The following POU6F2 variants were observed in gnomAD, a reference collection of about 807,000 sequenced individuals.
POU6F2 encodes POU domain, class 6, transcription factor 2.
POU6F2 carries 31 observed loss-of-function variants against 71.3 expected under a neutral mutation model. That is an observed-to-expected ratio of 0.43 (90% CI 0.33 to 0.59). The LOEUF (loss-of-function observed/expected upper bound fraction) is 0.59, where lower values mean the gene tolerates loss of function less well. Among genes scored for constraint, POU6F2 ranks in the 20% least tolerant of loss-of-function variants. The pLI is 0.04. For synonymous variants in POU6F2, 347 were observed against 355.7 expected, an observed-to-expected ratio of 0.98 and a Z score of 0.27; for missense variants, 783 against 856.8, an observed-to-expected ratio of 0.91 and a Z score of 1.07.
Position 39,284,905 on chromosome 7 carries a change from G to T in POU6F2, c.599-54737G>T, listed in dbSNP as rs886275084. Among the ~76,000 whole-genome samples, 9 of 152,230 alleles carry T rather than the reference G, an allele frequency of 5.9e-5. No homozygotes were observed. In the East Asian group the frequency reaches 1.7e-3, roughly 29 times the overall value. On this transcript the variant is annotated intron_variant, in intron 4 of 9. Transcript: ENST00000518318. ...CTAACAATAAAGATGGTCTGGGTGG[G>T]TCTAGGCATCATTGCTTCTCACAGG...
At chr7:39,437,037 G>C (rs1050746110) in intron 7 of POU6F2, among the ~76,000 whole-genome samples, 1 of 152,152 alleles carries the variant, frequency 6.6e-6, no homozygotes. Context: ...ATTTTATTGA[G>C]GATTTTTGCA....
intron 5 of POU6F2, among the ~76,000 whole-genome samples, chr7:39,348,964 C>T (rs1786082988): frequency 6.6e-6 from 1 of 152,216 alleles, no homozygotes; most frequent in Non-Finnish European, 1.5e-5. Flanking sequence ...TTTTATTTCA[C>T]ATAATGCTAA....
intron 5 of POU6F2, among the ~76,000 whole-genome samples, chr7:39,401,489 C>G (rs942316403): frequency 1.1e-4 from 16 of 152,208 alleles, no homozygotes; most frequent in African/African-American, 3.9e-4. Context: ...AATATGGTCA[C>G]TCTTCCAGTA....
intron 6 of POU6F2, among the ~76,000 whole-genome samples, chr7:39,418,907 G>GTATATATATATA (rs1411632234): frequency 2.0e-5 from 3 of 146,870 alleles, no homozygotes; most frequent in Admixed American, 6.8e-5. Flanking sequence ...GTGTGTGTGT[G>GTATATATATATA]TGTATATATA....
intron 4 of POU6F2, among the ~76,000 whole-genome samples, chr7:39,315,694 G>A (rs1409864904): frequency 6.6e-6 from 1 of 152,072 alleles, no homozygotes; most frequent in Non-Finnish European, 1.5e-5. Context: ...TCTCCCTTAA[G>A]TCCTGGTTGG....
At chr7:39,224,255 G>A (rs190752680) in intron 4 of POU6F2, among the ~76,000 whole-genome samples, 4 of 151,960 alleles carry the variant, frequency 2.6e-5, no homozygotes, top group African/African-American at 9.7e-5. Flanking sequence ...TAATTTTTTG[G>A]CCAACTTCCA....
At chr7:39,207,676 T>A (rs201905384) in intron 4 of POU6F2, 56 bp downstream of exon 4, 16 of 1,496,912 alleles carry the variant, frequency 1.1e-5, no homozygotes, top group Non-Finnish European at 1.3e-5. Context: ...CAGTATTCTC[T>A]GAAGTGGGCA....
intron 5 of POU6F2, among the ~76,000 whole-genome samples, chr7:39,405,704 C>T (rs868605002): frequency 2.0e-5 from 3 of 152,210 alleles, no homozygotes; most frequent in African/African-American, 7.2e-5. Context: ...TGAAGCCACA[C>T]TTCTGCCTCA....
intron 2 of POU6F2, among the ~76,000 whole-genome samples, chr7:39,186,038 G>A (rs1381144734): frequency 6.6e-6 from 1 of 152,040 alleles, no homozygotes; most frequent in Non-Finnish European, 1.5e-5. Context: ...AGCCTCCTGA[G>A]TAGCTGGGAT....
intron 2 of POU6F2, among the ~76,000 whole-genome samples, chr7:39,190,443 A>T (rs1249925915): frequency 6.7e-6 from 1 of 149,050 alleles, no homozygotes; most frequent in Non-Finnish European, 1.5e-5. Flanking sequence ...AAAAAAAAAA[A>T]AAAGGTTTGA....
Position 39,464,669 on chromosome 7 carries a change from C to G in POU6F2, c.2146C>G (p.Leu716Val). ...CCCTTTGGAGCCCTTAACAGACTCT[C>G]TGGAAGAAAACTCCTAAAGAGATGC... ...AVPLEPLTDS[L>V]EENS Residue 716 changes from leucine to valine, a missense_variant, in exon 10 of 10, where the codon CTG (leucine) becomes GTG (valine). Leu to Val is a conservative substitution (Grantham distance 32). Around this residue, in one of 2 missense-constraint regions of POU6F2, gnomAD observed 211 missense variants for 283.9 expected, o/e 0.74. Transcript: ENST00000518318. The surrounding 1 kb of genome is among the most constrained non-coding windows in gnomAD (Gnocchi z 4.1). The G allele has an allele frequency of 6.2e-7, 1 of 1,603,954 alleles. No individual in the cohort carries two copies.
intron 2 of POU6F2, among the ~76,000 whole-genome samples, chr7:39,162,066 A>G: frequency 6.6e-6 from 1 of 152,122 alleles, no homozygotes; most frequent in East Asian, 1.9e-4. Flanking sequence ...ATAACCTCTC[A>G]TGGAGTTTCC....
intron 1 of POU6F2, among the ~76,000 whole-genome samples, chr7:39,012,317 G>C (rs542717295): frequency 2.6e-5 from 4 of 151,608 alleles, no homozygotes; most frequent in African/African-American, 9.7e-5. Context: ...TGATCACATC[G>C]GCTCCTGAGT....
intron 6 of POU6F2, among the ~76,000 whole-genome samples, chr7:39,420,451 C>T (rs527896325): frequency 6.6e-6 from 1 of 152,292 alleles, no homozygotes; most frequent in African/African-American, 2.4e-5. Flanking sequence ...TTCTGCCCCT[C>T]TAGGCTCACA....
At chr7:39,275,496 A>G (rs1259612475) in intron 4 of POU6F2, among the ~76,000 whole-genome samples, 2 of 152,228 alleles carry the variant, frequency 1.3e-5, no homozygotes, top group African/African-American at 4.8e-5. Context: ...TTATAGATTC[A>G]GTGTCATCCC....
intron 4 of POU6F2, among the ~76,000 whole-genome samples, chr7:39,281,524 G>A (rs770463440): frequency 5.9e-5 from 9 of 151,880 alleles, no homozygotes; most frequent in Non-Finnish European, 1.3e-4. Context: ...AACTTTTTTA[G>A]ATCCCACATA....
At chr7:39,156,959 C>T (rs1792883089) in intron 2 of POU6F2, among the ~76,000 whole-genome samples, 2 of 152,152 alleles carry the variant, frequency 1.3e-5, no homozygotes, top group African/African-American at 2.4e-5. Flanking sequence ...ATGGTCAAAA[C>T]TTTAAGGGGA....
At position 39,042,830 on chromosome 7, in the gene POU6F2, G is replaced by A. The variant is rs77237775; in HGVS notation, c.106-43030G>A. 8.9e-3 allele frequency among the ~76,000 whole-genome samples: 1,323 copies of A among 149,216 alleles called. 32 individuals carry two copies. The highest frequency in any genetic ancestry group is 0.063 in the East Asian group (319 of 5,092). On this transcript the variant is annotated intron_variant, in intron 1 of 9. Coordinates refer to ENST00000518318, the MANE Select transcript of POU6F2 (RefSeq NM_001370959.1). ...TCAGTTCTATGTGGCTGGCTAAGTCGTGCCTTCAGGGCACACTGACCTGTT... is the reference window on the plus strand; with the variant it reads ...TCAGTTCTATGTGGCTGGCTAAGTCATGCCTTCAGGGCACACTGACCTGTT...
Position 39,044,891 on chromosome 7 carries a change from T to C in POU6F2, c.106-40969T>C, listed in dbSNP as rs533063677. Among the ~76,000 whole-genome samples the C allele has an allele frequency of 1.7e-4, 26 of 152,088 alleles. No homozygotes were observed. In the South Asian group the frequency reaches 5.2e-3, roughly 30 times the overall value. On this transcript the variant is annotated intron_variant, in intron 1 of 9. Transcript: ENST00000518318. ...TGGGAAACATATTAAAGGGCAATTA[T>C]CAGTCCTCTTTGAAGGCACAAAAGG...
Sources: gnomAD v4.1 joint callset for allele counts (sites outside exome capture counted in the v4.1 genomes callset) on GRCh38, gnomAD v4.1.1 for gene constraint, gnomAD v4.1.1 regional missense constraint, Gnocchi (gnomAD v3.1) non-coding constraint, MANE v1.5 for transcripts, NCBI Gene and HGNC (gene_info 2026-07-23, HGNC 2026-07-21) for gene names.